NRGN: variants seen among roughly 807,000 people sequenced by gnomAD.
NRGN encodes calmodulin-binding protein.
For missense variants in NRGN, 82 were observed against 123.0 expected, an observed-to-expected ratio of 0.67 and a Z score of 1.58; for synonymous variants, 47 against 52.8, an observed-to-expected ratio of 0.89 and a Z score of 0.47.
rs1327709047 is a variant in NRGN at position 124,740,031 on chromosome 11, C to G, written c.-54C>G. ...GCCCCCACCCGGCACCACACAGACCCCACCCCCGCCCTGCGCCAGCCTTCG... is the reference window on the plus strand; with the variant it reads ...GCCCCCACCCGGCACCACACAGACCGCACCCCCGCCCTGCGCCAGCCTTCG... On this transcript the variant is annotated 5_prime_UTR_variant, in exon 1 of 4. Coordinates refer to ENST00000284292, the MANE Select transcript of NRGN (RefSeq NM_006176.3). The surrounding 1 kb of genome is among the most constrained non-coding windows in gnomAD (Gnocchi z 7.5). 4.6e-6 allele frequency: 5 copies of G among 1,081,484 alleles called. No individual in the cohort carries two copies. In the East Asian group the frequency reaches 1.6e-4, roughly 35 times the overall value. The allele number at this position is 1,081,484 out of a possible 1,614,324, so 67.0% of individuals were successfully genotyped here. A position where few individuals can be genotyped will look rare whatever the true frequency, so the allele number is the denominator to read the frequency against.
intron 1 of NRGN, among the ~76,000 whole-genome samples, chr11:124,741,003 CTT>C (rs1401359760): frequency 6.6e-6 from 1 of 152,202 alleles, no homozygotes; most frequent in Admixed American, 6.5e-5. Context: ...AGGTTACTGA[CTT>C]TGCCACCTTA....
At position 124,745,693 on chromosome 11, in the gene NRGN, G is replaced by T; in HGVS notation, c.206G>T (p.Gly69Val). ...GGPGGAGVAR[G>V]GAGGGPSGD ...CCTGGCGGAGCTGGGGTGGCCCGGG[G>T]AGGCGCGGGCGGCGGCCCCAGCGGA... The change falls in exon 2 of 4, where the codon GGA becomes GTA. Residue 69 changes from glycine (G) to valine (V), a missense_variant. Transcript: ENST00000284292. This position sits in a 1 kb window ranked among gnomAD's most constrained non-coding sequence, Gnocchi z 6.4. 1 of 1,419,438 alleles carries T rather than the reference G, an allele frequency of 7.0e-7. No homozygotes were observed. Among genetic ancestry groups the T allele is most frequent in the Non-Finnish European group, 9.1e-7 (1 of 1,093,486 alleles). The allele number at this position is 1,419,438 out of a possible 1,614,324, so 87.9% of individuals were successfully genotyped here.
In NRGN at chr11:124,740,817, C is replaced by A. The variant is rs543196096; in HGVS notation, c.15+718C>A. 4.1e-4 allele frequency among the ~76,000 whole-genome samples: 62 copies of A among 152,376 alleles called. No homozygotes were observed. Among genetic ancestry groups the A allele is most frequent in the Middle Eastern group, 3.4e-3 (1 of 294 alleles). ...CGAGGGGTTTGCTGTAAAGGTGACT[C>A]GGTATGAAAGCGCCTGGCATAGGCC... On this transcript the variant is annotated intron_variant, in intron 1 of 3. Transcript: ENST00000284292. The surrounding 1 kb of genome is among the most constrained non-coding windows in gnomAD (Gnocchi z 7.5).
chr11:124,743,177 C>G (rs1272734370), intron 1 of NRGN, among the ~76,000 whole-genome samples: 1 of 152,226 alleles, frequency 6.6e-6, no homozygotes, highest in African/African-American at 2.4e-5. Flanking sequence ...TGGGGAGGAA[C>G]ATGGAGTGTC....
intron 1 of NRGN, among the ~76,000 whole-genome samples, chr11:124,743,204 G>A (rs1943979498): frequency 6.6e-6 from 1 of 152,242 alleles, no homozygotes; most frequent in African/African-American, 2.4e-5. Flanking sequence ...GGCTTTGCCT[G>A]CTATTCCAGG....
In NRGN at chr11:124,745,445, C is replaced by G; in HGVS notation, c.16-58C>G. 7.5e-7 allele frequency: 1 copy of G among 1,339,418 alleles called. No homozygotes were observed. Among genetic ancestry groups the G allele is most frequent in the South Asian group, 1.4e-5 (1 of 72,758 alleles). The allele number at this position is 1,339,418 out of a possible 1,614,324, so 83.0% of individuals were successfully genotyped here. Reference sequence around the variant, plus strand: ...TGTCCCTCAGGGCTCTATTCCTACCCCACTCCCGCGGATCAAGACCCAGTG... The same window carrying G: ...TGTCCCTCAGGGCTCTATTCCTACCGCACTCCCGCGGATCAAGACCCAGTG... On this transcript the variant is annotated intron_variant, in intron 1 of 3. Coordinates refer to ENST00000284292, the MANE Select transcript of NRGN (RefSeq NM_006176.3). The surrounding 1 kb of genome is among the most constrained non-coding windows in gnomAD (Gnocchi z 6.4).
intron 1 of NRGN, among the ~76,000 whole-genome samples, chr11:124,741,382 A>G (rs775008577): frequency 4.6e-5 from 7 of 152,188 alleles, no homozygotes; most frequent in Non-Finnish European, 1.0e-4. Context: ...TCTCCTCTAA[A>G]TATTTACTGA....
Position 124,745,760 on chromosome 11 carries a change from G to A in NRGN, c.*5+31G>A. ...GCGGGCGGCGCGCGGCTGGCTGACA[G>A]CTGCCCTTCCCCAGCCCTCCCCAGG... On this transcript the variant is annotated intron_variant, in intron 2 of 3. Coordinates refer to ENST00000284292, the MANE Select transcript of NRGN (RefSeq NM_006176.3). This position sits in a 1 kb window ranked among gnomAD's most constrained non-coding sequence, Gnocchi z 6.4. The A allele has an allele frequency of 8.4e-7, 1 of 1,189,238 alleles. No individual in the cohort carries two copies. The highest frequency in any genetic ancestry group is 1.1e-6 in the Non-Finnish European group (1 of 922,330). The allele number at this position is 1,189,238 out of a possible 1,614,324, so 73.7% of individuals were successfully genotyped here.
Sources: allele counts gnomAD v4.1 joint callset (sites outside exome capture counted in the v4.1 genomes callset), GRCh38; gene constraint gnomAD v4.1.1; non-coding constraint Gnocchi (gnomAD v3.1); transcripts MANE v1.5; gene names NCBI Gene and HGNC (gene_info 2026-07-23, HGNC 2026-07-21).